The following ALG6 variants were observed in gnomAD, a reference collection of about 807,000 sequenced individuals.
The protein encoded by ALG6 is ALG6 alpha-1,3-glucosyltransferase, also known as dolichyl pyrophosphate Man9GlcNAc2 alpha-1,3-glucosyltransferase.
Under a neutral mutation model 66.6 loss-of-function variants are expected in ALG6, and 46 were observed. The ratio of observed to expected loss-of-function variants is 0.69; its 90% CI spans 0.55 to 0.88. ALG6 has a LOEUF of 0.88. ALG6 is among the 40% of genes least tolerant of loss of function. ALG6 has a pLI of 0.00. For missense variants in ALG6, 505 were observed against 586.8 expected (o/e 0.86, Z 1.44); for synonymous variants, 185 against 203.7 (o/e 0.91, Z 0.78).
chr1:63,421,442 T>C (rs1230654543), intron 12 of ALG6, among the ~76,000 whole-genome samples: 2 of 152,118 alleles, frequency 1.3e-5, no homozygotes, highest in African/African-American at 4.8e-5. Flanking sequence ...GAACCAGAAA[T>C]ACCATTTGAC....
intron 9 of ALG6, 109 bp from the exon 10 acceptor site, chr1:63,413,952 A>T (rs944761832): frequency 1.0e-4 from 81 of 775,422 alleles, no homozygotes; most frequent in Non-Finnish European, 1.8e-4. Flanking sequence ...AATTGTGACT[A>T]AAAGTTTCAC....
intron 2 of ALG6, among the ~76,000 whole-genome samples, chr1:63,390,401 C>G (rs1044356806): frequency 1.3e-5 from 2 of 152,052 alleles, no homozygotes; most frequent in Non-Finnish European, 2.9e-5. Flanking sequence ...AAGACAAAGT[C>G]CTCTTTTACT....
At chr1:63,426,044 A>T (rs779325754) in intron 12 of ALG6, among the ~76,000 whole-genome samples, 5 of 152,214 alleles carry the variant, frequency 3.3e-5, no homozygotes, top group Non-Finnish European at 7.3e-5. Flanking sequence ...GCGTTATAGC[A>T]AATGAGAGGG....
intron 2 of ALG6, among the ~76,000 whole-genome samples, chr1:63,394,647 C>T (rs538843901): frequency 9.2e-5 from 14 of 151,638 alleles, no homozygotes; most frequent in Middle Eastern, 3.4e-3. Context: ...GGATTACAGG[C>T]GTGAGCCACC....
chr1:63,371,398 A>G, intron 2 of ALG6: 3 of 292,798 alleles, frequency 1.0e-5, no homozygotes, highest in South Asian at 1.0e-4. Context: ...ATATTACTGG[A>G]TTAAAGGGAA....
chr1:63,396,230 T>A (rs532561739), intron 2 of ALG6, among the ~76,000 whole-genome samples: 2 of 152,284 alleles, frequency 1.3e-5, no homozygotes, highest in East Asian at 3.9e-4. Flanking sequence ...GTATTTTATA[T>A]CCATTATCTT....
Position 63,371,057 on chromosome 1 carries a change from C to A in ALG6, c.80C>A (p.Ser27Ter). ...VRWTVSLNSY[S>*]GAGKPPMFGD... is the part of the protein sequence containing the mutation. ...TGGACAGTGTCTCTTAATTCTTATTCAGGTAATACATTTTTACTGGTTAAA... is the reference window on the plus strand; with the variant it reads ...TGGACAGTGTCTCTTAATTCTTATTAAGGTAATACATTTTTACTGGTTAAA... The change falls in exon 2 of 15, where the codon TCA becomes TAA. Residue 27 changes from serine (S) to a stop codon, truncating the protein, a stop_gained and splice_region_variant. Coordinates refer to ENST00000263440, the MANE Select transcript of ALG6 (RefSeq NM_013339.4). LOFTEE classifies it high-confidence loss of function. 2 of 1,594,402 alleles carry A rather than the reference C, an allele frequency of 1.3e-6. No homozygotes were observed. The highest frequency in any genetic ancestry group is 1.7e-6 in the Non-Finnish European group (2 of 1,162,714).
intron 12 of ALG6, among the ~76,000 whole-genome samples, chr1:63,422,012 G>GTA (rs928596793): frequency 4.2e-4 from 57 of 137,136 alleles, no homozygotes; most frequent in South Asian, 1.3e-3. Flanking sequence ...AGAACTTAAA[G>GTA]TATATATATA....
intron 2 of ALG6, among the ~76,000 whole-genome samples, chr1:63,375,660 C>A (rs1409533488): frequency 6.6e-6 from 1 of 151,960 alleles, no homozygotes; most frequent in Non-Finnish European, 1.5e-5. Context: ...TTTGTAAAAT[C>A]TGGAATAGTA....
chr1:63,400,244 CGTATATATATGTATAT>C (rs1557587434), intron 3 of ALG6, among the ~76,000 whole-genome samples: 580 of 15,158 alleles, frequency 0.038, 220 homozygotes, highest in African/African-American at 0.17. Context: ...TATATATATA[CGTATATATATGTATAT>C]ATATATACGT....
At chr1:63,382,655 GTTTT>G (rs1388211782) in intron 2 of ALG6, among the ~76,000 whole-genome samples, 7 of 81,244 alleles carry the variant, frequency 8.6e-5, no homozygotes, top group African/African-American at 2.9e-4. Context: ...TTTTTTGTTT[GTTTT>G]TTTTTGTTTT....
chr1:63,381,099 T>C (rs2143834), intron 2 of ALG6, among the ~76,000 whole-genome samples: 90,521 of 151,734 alleles, frequency 0.6, 28,485 homozygotes, highest in African/African-American at 0.79. Context: ...GCAGGTGGAT[T>C]GCTTGAGCCC....
chr1:63,426,638 G>A (rs1193135570), intron 12 of ALG6, among the ~76,000 whole-genome samples: 1 of 151,992 alleles, frequency 6.6e-6, no homozygotes, highest in Non-Finnish European at 1.5e-5. Context: ...CGGACTCCTG[G>A]GCTCAAGTGA....
chr1:63,390,292 C>T (rs1480170987), intron 2 of ALG6, among the ~76,000 whole-genome samples: 3 of 152,198 alleles, frequency 2.0e-5, no homozygotes, highest in Non-Finnish European at 4.4e-5. Context: ...CTGCCTGGTG[C>T]TGTGCTCCAC....
intron 14 of ALG6, among the ~76,000 whole-genome samples, chr1:63,435,944 C>T (rs1038141562): frequency 2.0e-5 from 3 of 152,148 alleles, no homozygotes; most frequent in African/African-American, 7.2e-5. Context: ...ATTATTTTTA[C>T]TACTCAGCTT....
chr1:63,419,794 CCTT>C (rs1644564278), intron 12 of ALG6, among the ~76,000 whole-genome samples: 1 of 152,096 alleles, frequency 6.6e-6, no homozygotes, highest in African/African-American at 2.4e-5. Context: ...TATTCGGTAG[CCTT>C]CTTCTTTCCA....
At chr1:63,388,488 A>G (rs1010578608) in intron 2 of ALG6, among the ~76,000 whole-genome samples, 2 of 152,194 alleles carry the variant, frequency 1.3e-5, no homozygotes, top group African/African-American at 4.8e-5. Context: ...TCTACACTTT[A>G]TTCCCCTGCT....
At chr1:63,396,940 G>A (rs559535630) in intron 3 of ALG6, among the ~76,000 whole-genome samples, 91 of 152,244 alleles carry the variant, frequency 6.0e-4, no homozygotes, top group African/African-American at 2.1e-3. Context: ...TCTCACTAAA[G>A]ATCACTATGA....
At chr1:63,434,640 G>T (rs143429813) in intron 14 of ALG6, among the ~76,000 whole-genome samples, 1 of 152,148 alleles carries the variant, frequency 6.6e-6, no homozygotes. Flanking sequence ...ATCAGCTATC[G>T]TTAGTGTTGG....
Sources: gnomAD v4.1 joint callset for allele counts (sites outside exome capture counted in the v4.1 genomes callset) on GRCh38, gnomAD v4.1.1 for gene constraint, MANE v1.5 for transcripts, NCBI Gene and HGNC (gene_info 2026-07-23, HGNC 2026-07-21) for gene names.